Variants in TRDN observed in about 807,000 individuals in gnomAD.
The protein encoded by TRDN is triadin in skeletal muscle.
TRDN carries 161 observed loss-of-function variants against 149.7 expected under a neutral mutation model. The ratio of observed to expected loss-of-function variants is 1.08; its 90% confidence interval spans 0.95 to 1.23. The LOEUF is 1.23. Ranked by LOEUF, TRDN falls within the 50% of genes most tolerant of loss-of-function variation. The pLI is 0.00. For missense variants in TRDN, 896 were observed against 823.5 expected, an observed-to-expected ratio of 1.09 and a Z score of -1.08; for synonymous variants, 294 against 250.5, an observed-to-expected ratio of 1.17 and a Z score of -1.64.
intron 9 of TRDN, among the ~76,000 whole-genome samples, chr6:123,472,631 G>T (rs1365760701): frequency 3.3e-5 from 5 of 152,210 alleles, no homozygotes; most frequent in Non-Finnish European, 5.9e-5. Context: ...TGGGGGCAGG[G>T]CACAGACAAA....
At chr6:123,455,181 G>A (rs11759636) in intron 10 of TRDN, among the ~76,000 whole-genome samples, 32,606 of 151,990 alleles carry the variant, frequency 0.21, 4,504 homozygotes, top group East Asian at 0.63. Flanking sequence ...GAAAGGTAAC[G>A]AGAAAGATTA....
At chr6:123,248,672 C>G (rs906034657) in intron 38 of TRDN, among the ~76,000 whole-genome samples, 2 of 151,912 alleles carry the variant, frequency 1.3e-5, no homozygotes, top group Non-Finnish European at 2.9e-5. Context: ...AAGATCGAAT[C>G]AAGAAGAAAT....
At chr6:123,410,436 G>C (rs1057405388) in intron 12 of TRDN, among the ~76,000 whole-genome samples, 2 of 152,068 alleles carry the variant, frequency 1.3e-5, no homozygotes, top group African/African-American at 4.8e-5. Flanking sequence ...AAAACAAAAA[G>C]TGATCAACGA....
chr6:123,413,481 A>AATTG (rs997967303), intron 12 of TRDN, among the ~76,000 whole-genome samples: 3 of 152,170 alleles, frequency 2.0e-5, no homozygotes, highest in African/African-American at 7.2e-5. Context: ...AAGGGTGTAG[A>AATTG]ATTGACCATT....
chr6:123,337,212 G>A lies in TRDN; in HGVS notation c.1420+407C>T, dbSNP rs1167536077. Among the ~76,000 whole-genome samples the A allele has an allele frequency of 3.3e-5, 5 of 151,776 alleles. No homozygotes were observed. In the East Asian group the frequency reaches 9.6e-4, roughly 29 times the overall value. ...TATTTGTAGCTTTGCCATTTTTGTTGTCATCATCATCTCCAATGTTTACCA... is the reference window on the plus strand; with the variant it reads ...TATTTGTAGCTTTGCCATTTTTGTTATCATCATCATCTCCAATGTTTACCA... On this transcript the variant is annotated intron_variant, in intron 22 of 40. Coordinates refer to ENST00000334268, the MANE Select transcript of TRDN (RefSeq NM_006073.4).
At position 123,351,419 on chromosome 6, in the gene TRDN, T is replaced by C. The variant is rs970065978; in HGVS notation, c.1369+1120A>G. The C allele has an allele frequency of 6.1e-6, 6 of 984,764 alleles. No individual in the cohort carries two copies. In the East Asian group the frequency reaches 3.4e-4, roughly 56 times the overall value. 61.0% of individuals were successfully genotyped at this position (984,764 alleles called of 1,614,324 possible). A position where few individuals can be genotyped will look rare whatever the true frequency, so the allele number is the denominator to read the frequency against. ...AAATTAGGATCCAGTGCTCCCACTT[T>C]ATATTTCAGAAACTAAAATTCCACT... On this transcript the variant is annotated intron_variant, in intron 21 of 40. Coordinates refer to ENST00000334268, the MANE Select transcript of TRDN (RefSeq NM_006073.4).
chr6:123,237,438 CAG>C (rs557673184), intron 38 of TRDN, among the ~76,000 whole-genome samples: 88 of 152,098 alleles, frequency 5.8e-4, no homozygotes, highest in African/African-American at 1.8e-3. Flanking sequence ...TTAGCAGAGA[CAG>C]AGTTTCACCA....
At chr6:123,367,618 C>T (rs980887938) in intron 19 of TRDN, among the ~76,000 whole-genome samples, 1 of 152,238 alleles carries the variant, frequency 6.6e-6, no homozygotes, top group Non-Finnish European at 1.5e-5. Context: ...AGACTCCTGG[C>T]TGTTTTATAC....
chr6:123,556,212 T>G (rs1346340131), intron 2 of TRDN, among the ~76,000 whole-genome samples: 1 of 152,124 alleles, frequency 6.6e-6, no homozygotes, highest in African/African-American at 2.4e-5. Flanking sequence ...ACTTTGCTAT[T>G]GCCATACTTA....
intron 4 of TRDN, among the ~76,000 whole-genome samples, chr6:123,539,578 C>T (rs1409645514): frequency 6.6e-6 from 1 of 152,172 alleles, no homozygotes; most frequent in Non-Finnish European, 1.5e-5. Flanking sequence ...ACCAATACCT[C>T]CTTGTTGCAT....
intron 2 of TRDN, among the ~76,000 whole-genome samples, chr6:123,565,180 T>A (rs912370677): frequency 6.6e-6 from 1 of 152,154 alleles, no homozygotes; most frequent in Admixed American, 6.5e-5. Flanking sequence ...TCAGAATACA[T>A]AATCAAGGCA....
At chr6:123,382,096 A>G in intron 15 of TRDN, 22 bp downstream of exon 15, 1 of 1,472,374 alleles carries the variant, frequency 6.8e-7, no homozygotes, top group Admixed American at 2.7e-5. Context: ...ATAAGGCAGA[A>G]AAAAAGAAAT....
intron 34 of TRDN, 53 bp from the exon 35 acceptor site, chr6:123,259,715 T>A: frequency 7.7e-7 from 1 of 1,306,528 alleles, no homozygotes; most frequent in Non-Finnish European, 1.1e-6. Context: ...CATGACTTTC[T>A]TACTCATTCT....
chr6:123,382,125 A>T lies in TRDN; in HGVS notation c.1158T>A (p.Pro386=). 6.7e-7 allele frequency: 1 copy of T among 1,499,022 alleles called. No individual in the cohort carries two copies. The highest frequency in any genetic ancestry group is 8.9e-7 in the Non-Finnish European group (1 of 1,123,580). The allele number at this position is 1,499,022 out of a possible 1,614,324, so 92.9% of individuals were successfully genotyped here. A position where few individuals can be genotyped will look rare whatever the true frequency, so the allele number is the denominator to read the frequency against. The change falls in exon 15 of 41, where the codon CCT becomes CCA. Residue 386 remains proline, a synonymous_variant. Transcript: ENST00000334268. ...KKEDSKKTKK[P]AEVEQPKGKK... is the part of the protein sequence containing the mutation. ...AAGAAATATGTCCAGTACCTTCTGC[A>T]GGTTTTTTTGTTTTCTTGGAATCTG...
chr6:123,529,365 A>C (rs1254394489), intron 5 of TRDN: 1 of 1,546,996 alleles, frequency 6.5e-7, no homozygotes, highest in Admixed American at 2.0e-5. Flanking sequence ...CCTAAGTACA[A>C]ATATAAATAG....
intron 38 of TRDN, among the ~76,000 whole-genome samples, chr6:123,231,019 G>C (rs1477902246): frequency 6.6e-6 from 1 of 151,908 alleles, no homozygotes; most frequent in Non-Finnish European, 1.5e-5. Flanking sequence ...AGAACTTTGA[G>C]CCCCAAAGTA....
intron 24 of TRDN, among the ~76,000 whole-genome samples, chr6:123,306,594 A>G (rs1349086526): frequency 6.6e-6 from 1 of 152,102 alleles, no homozygotes; most frequent in Non-Finnish European, 1.5e-5. Flanking sequence ...AGTTTTATCT[A>G]TAGCTTCCGA....
Position 123,574,496 on chromosome 6 carries a change from A to T in TRDN, c.23-3364T>A, listed in dbSNP as rs568905621. Among the ~76,000 whole-genome samples the T allele has an allele frequency of 6.5e-4, 99 of 152,038 alleles. 2 individuals are homozygous for T. The South Asian group carries it at 0.02, about 30-fold the overall frequency. On this transcript the variant is annotated intron_variant, in intron 1 of 40. Transcript: ENST00000334268. ...GGAGTGCTTTGAAATGCAATTTAAGACCCAAGTGGGGCTACAAGTGAATCA... is the reference window on the plus strand; with the variant it reads ...GGAGTGCTTTGAAATGCAATTTAAGTCCCAAGTGGGGCTACAAGTGAATCA...
intron 1 of TRDN, among the ~76,000 whole-genome samples, chr6:123,619,651 TAAG>T (rs993936592): frequency 1.3e-5 from 2 of 152,172 alleles, no homozygotes; most frequent in Admixed American, 6.5e-5. Context: ...GATCACAGTA[TAAG>T]AAGAACACAT....
Sources: gnomAD v4.1 joint callset for allele counts (sites outside exome capture counted in the v4.1 genomes callset) on GRCh38, gnomAD v4.1.1 for gene constraint, MANE v1.5 for transcripts, NCBI Gene and HGNC (gene_info 2026-07-23, HGNC 2026-07-21) for gene names.